The following SFI1 variants were observed in gnomAD, a reference collection of about 807,000 sequenced individuals.
SFI1 encodes SFI1 centrin binding protein.
A neutral mutation model predicts 207.5 loss-of-function variants in SFI1; 195 were observed. That is an observed-to-expected ratio of 0.94 (90% CI 0.84 to 1.06). SFI1 has a LOEUF of 1.06. Ranked by LOEUF, SFI1 falls within the 50% of genes least tolerant of loss-of-function variation. The pLI, the probability that SFI1 is intolerant of heterozygous loss-of-function variation, is 0.00. For synonymous variants in SFI1, 630 were observed against 598.9 expected, an observed-to-expected ratio of 1.05 and a Z score of -0.76; for missense variants, 1,634 against 1,588.0, an observed-to-expected ratio of 1.03 and a Z score of -0.49.
chr22:31,504,785 C>G (rs1197560957), intron 1 of SFI1, among the ~76,000 whole-genome samples: 1 of 152,158 alleles, frequency 6.6e-6, no homozygotes, highest in Non-Finnish European at 1.5e-5. Flanking sequence ...TCACTCTAGT[C>G]TCTGCCTCTG....
chr22:31,597,907 T>A lies in SFI1; in HGVS notation c.1545-4305T>A, dbSNP rs1326544273. ...GAATGAGACAAAATTGGTTTGTCTTTTATTTTAATCGAGATAAAATGTGTA... is the reference window on the plus strand; with the variant it reads ...GAATGAGACAAAATTGGTTTGTCTTATATTTTAATCGAGATAAAATGTGTA... On this transcript the variant is annotated intron_variant, in intron 15 of 32. Coordinates refer to ENST00000400288, the MANE Select transcript of SFI1 (RefSeq NM_001007467.3). 3.3e-5 allele frequency among the ~76,000 whole-genome samples: 5 copies of A among 152,330 alleles called. No homozygotes were observed. In the South Asian group the frequency reaches 1.0e-3, roughly 32 times the overall value.
rs866985981 is a variant in SFI1 at position 31,593,244 on chromosome 22, T to C, written c.1544+3667T>C. Among the ~76,000 whole-genome samples the C allele has an allele frequency of 9.8e-3, 1,277 of 130,880 alleles. 12 individuals carry two copies. The highest frequency in any genetic ancestry group is 0.054 in the Middle Eastern group (11 of 204). The allele number at this position is 130,880 out of a possible 152,430, so 85.9% of individuals were successfully genotyped here. A position where few individuals can be genotyped will look rare whatever the true frequency, so the allele number is the denominator to read the frequency against. Reference sequence around the variant, plus strand: ...GGGGCTCCTCACTTCTCAGACGGGGTGGTTGCCAGGCAGAGGGTCTCCTCA... The same window carrying C: ...GGGGCTCCTCACTTCTCAGACGGGGCGGTTGCCAGGCAGAGGGTCTCCTCA... On this transcript the variant is annotated intron_variant, in intron 15 of 32. Coordinates refer to ENST00000400288, the MANE Select transcript of SFI1 (RefSeq NM_001007467.3).
chr22:31,600,551 C>A (rs73400251), intron 15 of SFI1, among the ~76,000 whole-genome samples: 1 of 152,140 alleles, frequency 6.6e-6, no homozygotes, highest in Admixed American at 6.5e-5. Flanking sequence ...CCTGGGACAA[C>A]CTCAGTAAAA....
intron 8 of SFI1, among the ~76,000 whole-genome samples, chr22:31,570,451 A>G (rs1052407515): frequency 4.0e-5 from 6 of 151,440 alleles, no homozygotes; most frequent in Admixed American, 6.6e-5. Flanking sequence ...TCTGGACTCT[A>G]TCTTCAGCCT....
chr22:31,607,233 G>A (rs1376366056), intron 21 of SFI1, among the ~76,000 whole-genome samples: 2 of 152,144 alleles, frequency 1.3e-5, no homozygotes, highest in Non-Finnish European at 2.9e-5. Context: ...CCCTGGGCAA[G>A]TGTTTTGTTA....
At chr22:31,521,633 T>C (rs2057267205) in intron 2 of SFI1, 1 of 152,258 alleles carries the variant, frequency 6.6e-6, no homozygotes, top group Non-Finnish European at 1.5e-5. Context: ...GAGAAAGGGC[T>C]AGTCAGACAC....
At chr22:31,535,280 T>G (rs1300256909) in intron 4 of SFI1, among the ~76,000 whole-genome samples, 1 of 141,056 alleles carries the variant, frequency 7.1e-6, no homozygotes, top group Non-Finnish European at 1.5e-5. Flanking sequence ...ACCTCTGCCT[T>G]CCGGGTTCAA....
At chr22:31,537,931 T>G (rs1602329144) in intron 4 of SFI1, among the ~76,000 whole-genome samples, 3 of 152,286 alleles carry the variant, frequency 2.0e-5, no homozygotes, top group East Asian at 3.9e-4. Context: ...TACAGAATAA[T>G]GCCTTTATGT....
At chr22:31,563,868 T>A (rs971876391) in intron 8 of SFI1, among the ~76,000 whole-genome samples, 107 of 151,194 alleles carry the variant, frequency 7.1e-4, no homozygotes, top group Middle Eastern at 3.4e-3. Flanking sequence ...ATTACAGGGG[T>A]GAGCCACCAC....
intron 1 of SFI1, among the ~76,000 whole-genome samples, chr22:31,498,003 A>G (rs901421496): frequency 6.6e-6 from 1 of 152,224 alleles, no homozygotes; most frequent in Non-Finnish European, 1.5e-5. Flanking sequence ...TTTAAGAAAT[A>G]CATTTTGTGG....
chr22:31,516,144 T>G (rs1015768026), intron 2 of SFI1, among the ~76,000 whole-genome samples: 1 of 152,168 alleles, frequency 6.6e-6, no homozygotes, highest in African/African-American at 2.4e-5. Flanking sequence ...TTTTTGAATA[T>G]GAATCTTTTG....
intron 15 of SFI1, among the ~76,000 whole-genome samples, chr22:31,592,839 G>A (rs1453619333): frequency 8.0e-5 from 11 of 137,924 alleles, no homozygotes; most frequent in East Asian, 2.2e-4. Context: ...CGGACGGGGC[G>A]GCTGGCCAGG....
At chr22:31,501,959 G>C (rs1280614951) in intron 1 of SFI1, among the ~76,000 whole-genome samples, 1 of 152,062 alleles carries the variant, frequency 6.6e-6, no homozygotes, top group Non-Finnish European at 1.5e-5. Context: ...GTCAGTGAGT[G>C]TGTGTGTGAG....
At chr22:31,557,328 G>A (rs1338608046) in intron 7 of SFI1, among the ~76,000 whole-genome samples, 3 of 151,246 alleles carry the variant, frequency 2.0e-5, no homozygotes, top group Admixed American at 1.3e-4. Flanking sequence ...ACAGGCATGC[G>A]CCACTATGCC....
chr22:31,547,594 A>G (rs1328684276), intron 5 of SFI1, among the ~76,000 whole-genome samples: 1 of 150,540 alleles, frequency 6.6e-6, no homozygotes, highest in Non-Finnish European at 1.5e-5. Flanking sequence ...TACAGGCATG[A>G]GTCACCGCGC....
intron 15 of SFI1, among the ~76,000 whole-genome samples, 153 bp downstream of exon 15, chr22:31,589,730 A>T (rs548885755): frequency 7.6e-4 from 115 of 152,272 alleles, no homozygotes; most frequent in African/African-American, 2.6e-3. Flanking sequence ...GATTTCATCT[A>T]GCAGGAAAAG....
At chr22:31,598,787 A>ATT (rs2067611921) in intron 15 of SFI1, among the ~76,000 whole-genome samples, 1 of 51,944 alleles carries the variant, frequency 1.9e-5, no homozygotes, top group African/African-American at 8.7e-5. Context: ...AGTCCAGTTT[A>ATT]TCTTTTTTTT....
chr22:31,560,126 G>A (rs1252823635), intron 7 of SFI1, among the ~76,000 whole-genome samples: 1 of 152,162 alleles, frequency 6.6e-6, no homozygotes, highest in East Asian at 1.9e-4. Context: ...AGTGAGTGCT[G>A]CAAGTGAGCC....
At chr22:31,613,044 G>C in intron 24 of SFI1, 98 bp from the exon 25 acceptor site, 1 of 1,335,064 alleles carries the variant, frequency 7.5e-7, no homozygotes, top group Non-Finnish European at 1.0e-6. Context: ...GCCTCGACTA[G>C]AGAGGGAGCC....
Sources: gnomAD v4.1 joint callset for allele counts (sites outside exome capture counted in the v4.1 genomes callset) on GRCh38, gnomAD v4.1.1 for gene constraint, MANE v1.5 for transcripts, NCBI Gene and HGNC (gene_info 2026-07-23, HGNC 2026-07-21) for gene names.